Variants in BCR observed in about 807,000 individuals in gnomAD.
BCR encodes the protein breakpoint cluster region protein.
BCR carries 58 observed loss-of-function variants against 138.6 expected under a neutral mutation model. The observed-to-expected ratio is 0.42, with a 90% CI of 0.34 to 0.52. The LOEUF (loss-of-function observed/expected upper bound fraction) is 0.52, where lower values mean the gene tolerates loss of function less well. BCR is among the 20% of genes least tolerant of loss of function. The pLI is 0.06. For synonymous variants in BCR, 786 were observed against 730.1 expected (o/e 1.08, Z -1.23); for missense variants, 1,599 against 1,727.2 (o/e 0.93, Z 1.32).
chr22:23,209,753 C>T (rs539396509), intron 1 of BCR, among the ~76,000 whole-genome samples: 1 of 152,140 alleles, frequency 6.6e-6, no homozygotes, highest in South Asian at 2.1e-4. Context: ...CCGTGTTAGC[C>T]AGGATGGTCT....
rs187573088 is a variant in BCR, at chr22:23,207,449, C to T, written c.1279+25210C>T. 2.2e-4 allele frequency among the ~76,000 whole-genome samples: 34 copies of T among 151,688 alleles called. No individual in the cohort carries two copies. In the East Asian group the frequency reaches 3.9e-3, roughly 17 times the overall value. ...AACCAGCCTAAGCAACATAGCAAGA[C>T]GCTGTCTTTACAAAAAATTAAAAAT... On this transcript the variant is annotated intron_variant, in intron 1 of 22. Transcript: ENST00000305877.
At chr22:23,213,523 A>G (rs982519713) in intron 1 of BCR, among the ~76,000 whole-genome samples, 13 of 152,218 alleles carry the variant, frequency 8.5e-5, no homozygotes, top group African/African-American at 2.9e-4. Flanking sequence ...TGGATGTGCC[A>G]CTAAGAAGGA....
chr22:23,198,027 C>T (rs903462426), intron 1 of BCR, among the ~76,000 whole-genome samples: 1 of 152,080 alleles, frequency 6.6e-6, no homozygotes. Flanking sequence ...AGGGCCGGAG[C>T]AGGCCCTTGG....
chr22:23,314,328 C>G (rs2074042510), intron 21 of BCR, among the ~76,000 whole-genome samples: 1 of 152,222 alleles, frequency 6.6e-6, no homozygotes, highest in Non-Finnish European at 1.5e-5. Context: ...CTTGGACCCC[C>G]CTCTTCCCTC....
At chr22:23,215,324 C>T (rs1602023193) in intron 1 of BCR, among the ~76,000 whole-genome samples, 1 of 152,208 alleles carries the variant, frequency 6.6e-6, no homozygotes, top group Non-Finnish European at 1.5e-5. Flanking sequence ...CCCTTGCAAA[C>T]AGGTCTGTCT....
In BCR at chr22:23,254,357, G is replaced by A. The variant is rs191708323; in HGVS notation, c.1461+377G>A. On this transcript the variant is annotated intron_variant, in intron 2 of 22. Coordinates refer to ENST00000305877, the MANE Select transcript of BCR (RefSeq NM_004327.4). Reference sequence around the variant, plus strand: ...CCTTCTTGCTCCCTTTTACCAAAGCGTGTGCTGAGGATGGCTCCATCCATG... The same window carrying A: ...CCTTCTTGCTCCCTTTTACCAAAGCATGTGCTGAGGATGGCTCCATCCATG... Among the ~76,000 whole-genome samples, 334 of 152,288 alleles carry A rather than the reference G, an allele frequency of 2.2e-3. 1 individual carries two copies. Among genetic ancestry groups the A allele is most frequent in the African/African-American group, 7.5e-3 (310 of 41,572 alleles).
At chr22:23,258,998 G>A (rs972445697) in intron 2 of BCR, among the ~76,000 whole-genome samples, 5 of 152,226 alleles carry the variant, frequency 3.3e-5, no homozygotes, top group African/African-American at 7.2e-5. Flanking sequence ...GGGCACAGGC[G>A]GAACAAAGGG....
intron 1 of BCR, among the ~76,000 whole-genome samples, chr22:23,188,745 A>C (rs970405941): frequency 6.6e-6 from 1 of 150,450 alleles, no homozygotes; most frequent in African/African-American, 2.4e-5. Flanking sequence ...CTGGAATACA[A>C]CTGTTGTGGC....
At position 23,253,825 on chromosome 22, in the gene BCR, T is replaced by TA. The variant is rs2073260809; in HGVS notation, c.1307dup (p.Tyr436Ter). Reference protein sequence around the residue: ...ADGSFGTPPGYGCAADRAEEQ... With the variant: ...ADGSFGTPPG ...TGGCTCGTTCGGAACACCACCTGGATACGGCTGCGCTGCAGACCGGGCAGA... is the reference window on the plus strand; with the variant it reads ...TGGCTCGTTCGGAACACCACCTGGATAACGGCTGCGCTGCAGACCGGGCAGA... Residue 436 changes from tyrosine (Y) to a stop codon, truncating the protein, a stop_gained and frameshift_variant, in exon 2 of 23, where the codon TAC becomes TAAC. Coordinates refer to ENST00000305877, the MANE Select transcript of BCR (RefSeq NM_004327.4). LOFTEE classifies it high-confidence loss of function. The TA allele has an allele frequency of 6.2e-7, 1 of 1,612,700 alleles. No individual in the cohort carries two copies.
intron 1 of BCR, among the ~76,000 whole-genome samples, chr22:23,240,124 G>C (rs2073072757): frequency 1.3e-5 from 2 of 151,922 alleles, no homozygotes; most frequent in African/African-American, 4.8e-5. Context: ...TTTTTTAAAG[G>C]ACACAGTCAC....
At chr22:23,291,519 G>T (rs1376591561) in intron 14 of BCR, among the ~76,000 whole-genome samples, 1 of 151,896 alleles carries the variant, frequency 6.6e-6, no homozygotes, top group East Asian at 1.9e-4. Flanking sequence ...TCCCTCGTGG[G>T]CCTCCCTGCA....
chr22:23,279,030 C>A (rs1331330715), intron 8 of BCR, among the ~76,000 whole-genome samples: 1 of 152,228 alleles, frequency 6.6e-6, no homozygotes, highest in African/African-American at 2.4e-5. Flanking sequence ...TTAGCTGTTT[C>A]TTCTCCAGGA....
intron 12 of BCR, 126 bp from the exon 13 acceptor site, chr22:23,289,391 C>A: frequency 1.3e-6 from 1 of 766,812 alleles, no homozygotes; most frequent in East Asian, 2.6e-5. Flanking sequence ...CTCCTGAGCC[C>A]CCAAGCCCTG....
chr22:23,290,590 GT>G lies in BCR; in HGVS notation c.2782+182del, dbSNP rs112463208. ...GTTGATGCCTTCTGGGTGTGGAATT[GT>G]TTTTCCCGGAGTGGCCTCTGCCCTC... On this transcript the variant is annotated intron_variant, in intron 14 of 22. Coordinates refer to ENST00000305877, the MANE Select transcript of BCR (RefSeq NM_004327.4). 26 of 650,692 alleles carry G rather than the reference GT, an allele frequency of 4.0e-5. No individual in the cohort carries two copies. The South Asian group carries it at 4.3e-4, about 11-fold the overall frequency. The allele number at this position is 650,692 out of a possible 1,614,324, so 40.3% of individuals were successfully genotyped here.
intron 1 of BCR, among the ~76,000 whole-genome samples, chr22:23,244,955 A>G (rs1302721987): frequency 6.6e-6 from 1 of 152,186 alleles, no homozygotes; most frequent in Admixed American, 6.5e-5. Context: ...CCTTGGAGAC[A>G]GGGGATGGTC....
chr22:23,294,175 C>T (rs1415387634), intron 15 of BCR, among the ~76,000 whole-genome samples: 1 of 152,148 alleles, frequency 6.6e-6, no homozygotes, highest in Non-Finnish European at 1.5e-5. Flanking sequence ...TATGGACATC[C>T]CACTCCAGGG....
rs549495782 is a variant in BCR, at chr22:23,259,586, G to A, written c.1462-1364G>A. On this transcript the variant is annotated intron_variant, in intron 2 of 22. Coordinates refer to ENST00000305877, the MANE Select transcript of BCR (RefSeq NM_004327.4). The stretch of plus-strand genomic sequence containing the variant: ...GGCTGGAGTGCCACAGCATGGTCTC[G>A]GCTCACTGCAACCTCCCCCTCCTGT... Among the ~76,000 whole-genome samples the A allele has an allele frequency of 4.0e-5, 6 of 150,804 alleles. No homozygotes were observed. The East Asian group carries it at 1.2e-3, about 29-fold the overall frequency.
At chr22:23,209,134 G>A (rs2072651204) in intron 1 of BCR, among the ~76,000 whole-genome samples, 1 of 152,100 alleles carries the variant, frequency 6.6e-6, no homozygotes, top group Admixed American at 6.5e-5. Flanking sequence ...CCGAAGTGTG[G>A]ATCACCTGAG....
intron 1 of BCR, among the ~76,000 whole-genome samples, chr22:23,203,744 C>G (rs1174006466): frequency 6.6e-6 from 1 of 152,122 alleles, no homozygotes; most frequent in African/African-American, 2.4e-5. Flanking sequence ...TAGTTTATTG[C>G]TGTTGTGGGC....
Sources: gnomAD v4.1 joint callset for allele counts (sites outside exome capture counted in the v4.1 genomes callset) on GRCh38, gnomAD v4.1.1 for gene constraint, MANE v1.5 for transcripts, NCBI Gene and HGNC (gene_info 2026-07-23, HGNC 2026-07-21) for gene names.